Variants in PTPRK observed in about 807,000 individuals in gnomAD.
PTPRK encodes the protein receptor-type tyrosine-protein phosphatase kappa.
In PTPRK, 75 loss-of-function variants were observed where a neutral mutation model predicts 178.0. That is an observed-to-expected ratio of 0.42 (90% confidence interval 0.35 to 0.51). The LOEUF is 0.51. Ranked by LOEUF, PTPRK falls within the 20% of genes least tolerant of loss-of-function variation. The pLI, the probability that PTPRK is intolerant of heterozygous loss-of-function variation, is 0.02. For missense variants in PTPRK, 1,441 were observed against 1,797.8 expected (o/e 0.80, Z 3.59); for synonymous variants, 637 against 620.6 (o/e 1.03, Z -0.39).
At chr6:128,411,192 C>T (rs1842276735) in intron 1 of PTPRK, among the ~76,000 whole-genome samples, 1 of 152,148 alleles carries the variant, frequency 6.6e-6, no homozygotes, top group African/African-American at 2.4e-5. Context: ...CACACCCGGC[C>T]TACCAGCCTT....
At chr6:128,090,083 A>G (rs1312596147) in intron 7 of PTPRK, 91 bp from the exon 8 acceptor site, 1 of 985,364 alleles carries the variant, frequency 1.0e-6, no homozygotes, top group Non-Finnish European at 1.5e-6. Flanking sequence ...TAGCATATGC[A>G]AATCTAGAAA....
At chr6:128,354,888 A>G (rs1389991631) in intron 2 of PTPRK, among the ~76,000 whole-genome samples, 1 of 152,212 alleles carries the variant, frequency 6.6e-6, no homozygotes, top group Non-Finnish European at 1.5e-5. Context: ...TCCAATGGTC[A>G]GCCCTTATCT....
At chr6:128,151,694 C>A (rs139172369) in intron 7 of PTPRK, among the ~76,000 whole-genome samples, 29 of 151,988 alleles carry the variant, frequency 1.9e-4, no homozygotes, top group African/African-American at 6.7e-4. Context: ...CTGTAGAGAA[C>A]GTGGTATCTT....
intron 2 of PTPRK, among the ~76,000 whole-genome samples, chr6:128,360,084 G>T (rs1834525786): frequency 6.6e-6 from 1 of 152,144 alleles, no homozygotes; most frequent in Admixed American, 6.6e-5. Context: ...GTTGCTCAGA[G>T]TTGAATTTTA....
intron 5 of PTPRK, among the ~76,000 whole-genome samples, chr6:128,236,002 A>G (rs1813186084): frequency 6.6e-6 from 1 of 152,104 alleles, no homozygotes; most frequent in Non-Finnish European, 1.5e-5. Context: ...ATTATTGTTA[A>G]TCTCTTACTG....
At chr6:127,996,390 A>C (rs1417985746) in intron 17 of PTPRK, among the ~76,000 whole-genome samples, 1 of 152,152 alleles carries the variant, frequency 6.6e-6, no homozygotes, top group Non-Finnish European at 1.5e-5. Flanking sequence ...TTATCTCCAC[A>C]GGGTGAAGTG....
chr6:128,100,715 C>T, intron 7 of PTPRK, among the ~76,000 whole-genome samples: 1 of 151,662 alleles, frequency 6.6e-6, no homozygotes, highest in Non-Finnish European at 1.5e-5. Context: ...AAAGGAAATT[C>T]CTCTTGATAT....
chr6:128,202,826 C>T (rs552862605), intron 6 of PTPRK, among the ~76,000 whole-genome samples: 2 of 152,266 alleles, frequency 1.3e-5, no homozygotes, highest in African/African-American at 2.4e-5. Context: ...ACCAGAGGTA[C>T]AAAGAAGAGC....
intron 3 of PTPRK, among the ~76,000 whole-genome samples, chr6:128,243,488 TAA>T (rs760606919): frequency 1.2e-4 from 7 of 59,138 alleles, no homozygotes; most frequent in Non-Finnish European, 2.2e-4. Flanking sequence ...AGCCTGTCGC[TAA>T]AAAAAAAAAA....
Position 128,098,339 on chromosome 6 carries a change from G to A in PTPRK, c.1163-8347C>T, listed in dbSNP as rs548296752. Among the ~76,000 whole-genome samples, 3 of 152,224 alleles carry A rather than the reference G, an allele frequency of 2.0e-5. No individual in the cohort carries two copies. In the East Asian group the frequency reaches 5.8e-4, roughly 29 times the overall value. ...TGCTTTGATTTTGGCCTTGCTGTGT[G>A]ACTTGTTTTGGTCAGCAGAATAAGG... On this transcript the variant is annotated intron_variant, in intron 7 of 29. Transcript: ENST00000368226.
At chr6:127,996,615 G>A (rs139844849) in intron 17 of PTPRK, among the ~76,000 whole-genome samples, 76 of 152,194 alleles carry the variant, frequency 5.0e-4, no homozygotes, top group African/African-American at 1.5e-3. Context: ...AGGATTACAG[G>A]TGCGTGCCAC....
chr6:128,199,547 A>T (rs1336640941), intron 6 of PTPRK, among the ~76,000 whole-genome samples: 1 of 134,760 alleles, frequency 7.4e-6, no homozygotes, highest in Non-Finnish European at 1.6e-5. Flanking sequence ...ACACTTTTCC[A>T]TATGCCTACA....
intron 3 of PTPRK, among the ~76,000 whole-genome samples, chr6:128,264,464 T>C (rs1818650627): frequency 6.6e-6 from 1 of 152,112 alleles, no homozygotes; most frequent in African/African-American, 2.4e-5. Context: ...TAGGTCTTTA[T>C]AGTTTACAAA....
chr6:128,383,212 C>T (rs1838197166), intron 2 of PTPRK, among the ~76,000 whole-genome samples: 2 of 152,110 alleles, frequency 1.3e-5, no homozygotes, highest in African/African-American at 2.4e-5. Flanking sequence ...GTTCTTGTCA[C>T]AATAGCATCC....
chr6:128,123,281 A>G (rs758073833), intron 7 of PTPRK, among the ~76,000 whole-genome samples: 1 of 152,156 alleles, frequency 6.6e-6, no homozygotes, highest in Non-Finnish European at 1.5e-5. Context: ...CTGCAGACAC[A>G]TTGATTTTTG....
chr6:128,126,174 C>A (rs770039776), intron 7 of PTPRK, among the ~76,000 whole-genome samples: 4 of 151,838 alleles, frequency 2.6e-5, no homozygotes, highest in African/African-American at 4.8e-5. Context: ...AGGTTTTAAG[C>A]CCCGCATGCA....
At chr6:128,349,829 A>C (rs1832892467) in intron 2 of PTPRK, among the ~76,000 whole-genome samples, 1 of 152,130 alleles carries the variant, frequency 6.6e-6, no homozygotes, top group African/African-American at 2.4e-5. Context: ...CAAGGTTGCC[A>C]ACTGTGGAAA....
intron 6 of PTPRK, among the ~76,000 whole-genome samples, chr6:128,187,515 C>T (rs1428179959): frequency 6.6e-6 from 1 of 152,166 alleles, no homozygotes; most frequent in East Asian, 1.9e-4. Flanking sequence ...CCTACATACA[C>T]CAACAAGCCC....
At chr6:127,990,204 G>C (rs953645817) in intron 21 of PTPRK, among the ~76,000 whole-genome samples, 3 of 151,972 alleles carry the variant, frequency 2.0e-5, no homozygotes, top group African/African-American at 7.2e-5. Context: ...CCTTCATTTT[G>C]TATTTCTTTC....
Sources: allele counts gnomAD v4.1 joint callset (sites outside exome capture counted in the v4.1 genomes callset), GRCh38; gene constraint gnomAD v4.1.1; transcripts MANE v1.5; gene names NCBI Gene and HGNC (gene_info 2026-07-23, HGNC 2026-07-21).